Variants in NXN observed in about 807,000 individuals in gnomAD.
NXN encodes nucleoredoxin, also known as nucleoredoxin 1.
In NXN, 16 loss-of-function variants were observed where a neutral mutation model predicts 48.6. The observed-to-expected ratio is 0.33, with a 90% confidence interval of 0.22 to 0.50. The LOEUF (loss-of-function observed/expected upper bound fraction) is 0.50, where lower values mean the gene tolerates loss of function less well. Ranked by LOEUF, NXN falls within the 20% of genes least tolerant of loss-of-function variation. The pLI is 0.98. For synonymous variants in NXN, 281 were observed against 269.6 expected, an observed-to-expected ratio of 1.04 and a Z score of -0.41; for missense variants, 492 against 605.5, an observed-to-expected ratio of 0.81 and a Z score of 1.97.
chr17:862,153 A>G (rs1277185626), intron 1 of NXN, among the ~76,000 whole-genome samples: 2 of 152,062 alleles, frequency 1.3e-5, no homozygotes, highest in Non-Finnish European at 1.5e-5. Context: ...TTCATAAAGG[A>G]ATGTGAGGTA....
rs184795982 is a variant in NXN at position 818,611 on chromosome 17, T to C, written c.820+828A>G. On this transcript the variant is annotated intron_variant, in intron 5 of 7. Coordinates refer to ENST00000336868, the MANE Select transcript of NXN (RefSeq NM_022463.5). ...ATATTAGAATCCACCATGGGCCGGG[T>C]GCAGTGGCTCACGCCTGTCATCCCA... Among the ~76,000 whole-genome samples, 565 of 152,238 alleles carry C rather than the reference T, an allele frequency of 3.7e-3. 3 individuals carry two copies. Among genetic ancestry groups the C allele is most frequent in the African/African-American group, 0.013 (536 of 41,560 alleles).
At position 865,694 on chromosome 17, in the gene NXN, A is replaced by C. The variant is rs565726688; in HGVS notation, c.361-39616T>G. 3.3e-5 allele frequency among the ~76,000 whole-genome samples: 5 copies of C among 152,098 alleles called. No individual in the cohort carries two copies. In the South Asian group the frequency reaches 1.0e-3, roughly 32 times the overall value. On this transcript the variant is annotated intron_variant, in intron 1 of 7. Transcript: ENST00000336868. ...GTGAAGTGTGCAGAGATAGATGTGC[A>C]ACAATGTTGCTGGGCGCAGTGGCTC...
chr17:821,824 A>ATCCTCCCCCT (rs1160939101), intron 4 of NXN, among the ~76,000 whole-genome samples: 2 of 151,814 alleles, frequency 1.3e-5, no homozygotes, highest in East Asian at 1.9e-4. Flanking sequence ...GCTCTTTTCC[A>ATCCTCCCCCT]TCCTCCCCCT....
At chr17:842,998 GAGAA>G (rs1305824103) in intron 1 of NXN, among the ~76,000 whole-genome samples, 1 of 105,054 alleles carries the variant, frequency 9.5e-6, no homozygotes, top group Non-Finnish European at 1.9e-5. Context: ...GAGAGAAAGA[GAGAA>G]AGAGAGAAAG....
chr17:870,847 TTTTATTTATTTA>T (rs761348785), intron 1 of NXN, among the ~76,000 whole-genome samples: 1 of 151,516 alleles, frequency 6.6e-6, no homozygotes, highest in Non-Finnish European at 1.5e-5. Flanking sequence ...TGCTACATGC[TTTTATTTATTTA>T]TTTATTTATT....
At position 833,733 on chromosome 17, in the gene NXN, C is replaced by G. The variant is rs1191399564; in HGVS notation, c.361-7655G>C. Among the ~76,000 whole-genome samples, 3 of 152,142 alleles carry G rather than the reference C, an allele frequency of 2.0e-5. No individual in the cohort carries two copies. The East Asian group carries it at 5.8e-4, about 29-fold the overall frequency. On this transcript the variant is annotated intron_variant, in intron 1 of 7. Coordinates refer to ENST00000336868, the MANE Select transcript of NXN (RefSeq NM_022463.5). ...CTACAGACCCCAAATGAAGACCTCC[C>G]TGTCTTAAGAGTTCATGTCAGTGCA...
At chr17:938,305 G>A (rs544106733) in intron 1 of NXN, among the ~76,000 whole-genome samples, 4 of 152,376 alleles carry the variant, frequency 2.6e-5, no homozygotes, top group African/African-American at 9.6e-5. Context: ...AGAGCAGGCG[G>A]CAAGAGCTTG....
intron 1 of NXN, among the ~76,000 whole-genome samples, chr17:930,589 T>C (rs2068843123): frequency 6.6e-6 from 1 of 151,832 alleles, no homozygotes; most frequent in African/African-American, 2.4e-5. Context: ...TTGACAAAGC[T>C]AAAGGTACAA....
intron 1 of NXN, among the ~76,000 whole-genome samples, chr17:837,511 AC>A (rs1913891953): frequency 6.6e-6 from 1 of 152,232 alleles, no homozygotes; most frequent in Non-Finnish European, 1.5e-5. Flanking sequence ...GAGAGGAATC[AC>A]CGTCCTAGGT....
intron 1 of NXN, among the ~76,000 whole-genome samples, chr17:951,839 G>A (rs1402222825): frequency 1.3e-5 from 2 of 152,170 alleles, no homozygotes; most frequent in African/African-American, 4.8e-5. Context: ...AGGACGGGAG[G>A]CAGGAAAGCA....
intron 1 of NXN, among the ~76,000 whole-genome samples, chr17:962,535 C>T (rs2069250033): frequency 6.6e-6 from 1 of 151,990 alleles, no homozygotes; most frequent in Non-Finnish European, 1.5e-5. Flanking sequence ...AGTCTCATAA[C>T]CCCATCTCAA....
intron 1 of NXN, among the ~76,000 whole-genome samples, chr17:973,030 CAA>C (rs529073688): frequency 0.012 from 974 of 81,494 alleles, 12 homozygotes; most frequent in African/African-American, 0.039. Context: ...GACTGCGTCT[CAA>C]AAAAAAAAAA....
At chr17:862,091 A>G (rs537008243) in intron 1 of NXN, among the ~76,000 whole-genome samples, 54 of 152,308 alleles carry the variant, frequency 3.5e-4, no homozygotes, top group African/African-American at 9.4e-4. Flanking sequence ...TCAGTCTCCC[A>G]AAGTGCTGGG....
chr17:842,563 C>G, intron 1 of NXN: 1 of 985,414 alleles, frequency 1.0e-6, no homozygotes, highest in Non-Finnish European at 1.2e-6. Flanking sequence ...CGGCACATCC[C>G]GAGACACGTG....
Position 958,855 on chromosome 17 carries a change from C to T in NXN, c.360+20464G>A, listed in dbSNP as rs1444956767. Among the ~76,000 whole-genome samples the T allele has an allele frequency of 6.6e-6, 1 of 152,004 alleles. No homozygotes were observed. Among genetic ancestry groups the T allele is most frequent in the Non-Finnish European group, 1.5e-5 (1 of 68,008 alleles). On this transcript the variant is annotated intron_variant, in intron 1 of 7. Coordinates refer to ENST00000336868, the MANE Select transcript of NXN (RefSeq NM_022463.5). The surrounding 1 kb of genome is among the most constrained non-coding windows in gnomAD (Gnocchi z 6.9). ...GCTGAGGTGGGAGGATCGCTTGAGCCCAGGAGGTCAGGGCTGCAGTGAGTC... is the reference window on the plus strand; with the variant it reads ...GCTGAGGTGGGAGGATCGCTTGAGCTCAGGAGGTCAGGGCTGCAGTGAGTC...
At chr17:877,594 C>G (rs537374961) in intron 1 of NXN, among the ~76,000 whole-genome samples, 1 of 152,126 alleles carries the variant, frequency 6.6e-6, no homozygotes, top group South Asian at 2.1e-4. Flanking sequence ...ATACGGAAGA[C>G]GGACGCGTAC....
chr17:816,948 G>T (rs947239583), intron 5 of NXN, among the ~76,000 whole-genome samples: 1 of 152,168 alleles, frequency 6.6e-6, no homozygotes, highest in Non-Finnish European at 1.5e-5. Context: ...GGCCAGGCAG[G>T]AGTAAGCGCT....
chr17:931,714 A>G (rs1003221697), intron 1 of NXN, among the ~76,000 whole-genome samples: 1 of 151,146 alleles, frequency 6.6e-6, no homozygotes, highest in African/African-American at 2.4e-5. Flanking sequence ...AGGCGCCTGT[A>G]GTCCCAGCTA....
At chr17:977,049 A>T (rs1033689486) in intron 1 of NXN, among the ~76,000 whole-genome samples, 4 of 152,196 alleles carry the variant, frequency 2.6e-5, no homozygotes, top group African/African-American at 9.7e-5. Flanking sequence ...AACAGGCATG[A>T]GCCACCGCAC....
Sources: allele counts gnomAD v4.1 joint callset (sites outside exome capture counted in the v4.1 genomes callset), GRCh38; gene constraint gnomAD v4.1.1; non-coding constraint Gnocchi (gnomAD v3.1); transcripts MANE v1.5; gene names NCBI Gene and HGNC (gene_info 2026-07-23, HGNC 2026-07-21).